Variants in AGBL1 observed in about 807,000 individuals in gnomAD.
The protein encoded by AGBL1 is AGBL carboxypeptidase 1, also known as cytosolic carboxypeptidase 4.
AGBL1 carries 130 observed loss-of-function variants against 118.9 expected under a neutral mutation model. That is an observed-to-expected ratio of 1.09 (90% CI 0.95 to 1.26). The LOEUF (loss-of-function observed/expected upper bound fraction) is 1.26. Among genes scored for constraint, AGBL1 ranks in the 50% most tolerant of loss-of-function variants. AGBL1 has a pLI of 0.00. For missense variants in AGBL1, 1,584 were observed against 1,298.1 expected (o/e 1.22, Z -3.38); for synonymous variants, 555 against 478.9 (o/e 1.16, Z -2.08).
chr15:86,848,568 T>G (rs2079352732), intron 22 of AGBL1, among the ~76,000 whole-genome samples: 1 of 152,192 alleles, frequency 6.6e-6, no homozygotes, highest in South Asian at 2.1e-4. Context: ...CTAAACATAA[T>G]ACTTCAAGTA....
In AGBL1 at chr15:86,178,519, AT is replaced by A. The variant is rs1173149112; in HGVS notation, c.488+19494del. On this transcript the variant is annotated intron_variant, in intron 5 of 22. Transcript: ENST00000614907. Reference sequence around the variant, plus strand: ...GAAAAATTTCTTGAGAGACATAACTATCAAAGCTCACCCAAGAAGAAAAAGA... The same window carrying A: ...GAAAAATTTCTTGAGAGACATAACTACAAAGCTCACCCAAGAAGAAAAAGA... Among the ~76,000 whole-genome samples the A allele has an allele frequency of 2.6e-4, 39 of 152,212 alleles. 1 individual carries two copies. Among genetic ancestry groups the A allele is most frequent in the African/African-American group, 9.4e-4 (39 of 41,466 alleles).
chr15:86,664,002 G>A (rs1438346067), intron 21 of AGBL1, among the ~76,000 whole-genome samples: 1 of 152,072 alleles, frequency 6.6e-6, no homozygotes. Context: ...TCATGGTGTA[G>A]GGACAATTTC....
chr15:86,616,156 G>C (rs1286944498), intron 21 of AGBL1, among the ~76,000 whole-genome samples: 4 of 151,908 alleles, frequency 2.6e-5, no homozygotes, highest in Admixed American at 6.6e-5. Context: ...GGCCAACATG[G>C]TGAAATTCCG....
At chr15:87,001,751 T>C (rs1222199568) in intron 24 of AGBL1, among the ~76,000 whole-genome samples, 1 of 152,136 alleles carries the variant, frequency 6.6e-6, no homozygotes, top group Non-Finnish European at 1.5e-5. Flanking sequence ...CATTTTTTCA[T>C]GTGTCTGTTG....
At chr15:86,727,946 C>T (rs2086844791) in intron 22 of AGBL1, among the ~76,000 whole-genome samples, 1 of 152,214 alleles carries the variant, frequency 6.6e-6, no homozygotes. Flanking sequence ...TCTACAGTGA[C>T]TTACTGTGTA....
chr15:86,674,519 C>A (rs2085803622), intron 22 of AGBL1, 83 bp downstream of exon 22: 2 of 1,391,394 alleles, frequency 1.4e-6, no homozygotes, highest in African/African-American at 1.4e-5. Context: ...GTCGAGTGGA[C>A]CTAGGGGTCT....
At chr15:86,291,962 T>G (rs2079552796) in intron 16 of AGBL1, among the ~76,000 whole-genome samples, 1 of 152,208 alleles carries the variant, frequency 6.6e-6, no homozygotes, top group South Asian at 2.1e-4. Flanking sequence ...TAAACATGCT[T>G]CTTATAATTC....
chr15:86,519,471 C>T (rs1172713505), intron 18 of AGBL1, among the ~76,000 whole-genome samples: 1 of 152,158 alleles, frequency 6.6e-6, no homozygotes, highest in Non-Finnish European at 1.5e-5. Context: ...CTGGGAAGAG[C>T]AGCAACAGCT....
chr15:86,767,264 T>C (rs1054575636), intron 22 of AGBL1, among the ~76,000 whole-genome samples: 1 of 151,888 alleles, frequency 6.6e-6, no homozygotes, highest in African/African-American at 2.4e-5. Flanking sequence ...TAGTAGCAAA[T>C]GCAGGCATTC....
intron 17 of AGBL1, among the ~76,000 whole-genome samples, chr15:86,340,627 G>A (rs2080447036): frequency 6.6e-6 from 1 of 152,126 alleles, no homozygotes; most frequent in Non-Finnish European, 1.5e-5. Flanking sequence ...TTGATTTCTG[G>A]CCTCCAGAAG....
At chr15:86,262,947 C>T in intron 10 of AGBL1, 53 bp downstream of exon 10, 22 of 1,410,894 alleles carry the variant, frequency 1.6e-5, no homozygotes, top group Non-Finnish European at 2.1e-5. Flanking sequence ...GGGTTCTTTG[C>T]AGATCCTGGG....
At chr15:86,556,901 A>T (rs779388068) in intron 21 of AGBL1, among the ~76,000 whole-genome samples, 14 of 152,062 alleles carry the variant, frequency 9.2e-5, no homozygotes, top group Non-Finnish European at 2.1e-4. Flanking sequence ...AGTTCCAATC[A>T]TTTCTCCCCC....
chr15:86,642,276 A>T (rs2085204240), intron 21 of AGBL1, among the ~76,000 whole-genome samples: 1 of 152,206 alleles, frequency 6.6e-6, no homozygotes, highest in Admixed American at 6.5e-5. Flanking sequence ...TAGCCTTCCT[A>T]AAGTGAAATA....
intron 22 of AGBL1, among the ~76,000 whole-genome samples, chr15:86,814,363 AC>A: frequency 6.6e-6 from 1 of 152,296 alleles, no homozygotes; most frequent in South Asian, 2.1e-4. Flanking sequence ...CTTCCATGAA[AC>A]CAGTCCCTGG....
intron 22 of AGBL1, among the ~76,000 whole-genome samples, chr15:86,873,640 A>G (rs976572235): frequency 1.3e-5 from 2 of 152,200 alleles, no homozygotes; most frequent in Non-Finnish European, 2.9e-5. Flanking sequence ...ATGTTAGGAC[A>G]CAGCTAGATG....
intron 18 of AGBL1, among the ~76,000 whole-genome samples, chr15:86,477,600 A>G (rs1402115047): frequency 6.6e-6 from 1 of 152,206 alleles, no homozygotes; most frequent in Non-Finnish European, 1.5e-5. Context: ...ATTGCTTACC[A>G]ACCAAAAAAA....
chr15:86,996,486 G>C (rs1236111662), intron 24 of AGBL1, among the ~76,000 whole-genome samples: 1 of 152,136 alleles, frequency 6.6e-6, no homozygotes, highest in African/African-American at 2.4e-5. Flanking sequence ...ATGTAGCCAT[G>C]CTTTATTTGT....
intron 18 of AGBL1, among the ~76,000 whole-genome samples, chr15:86,448,413 C>T (rs2082153247): frequency 6.6e-6 from 1 of 152,106 alleles, no homozygotes; most frequent in African/African-American, 2.4e-5. Flanking sequence ...ATGCTGATAT[C>T]ATTGAGGGTA....
chr15:86,586,045 C>G (rs952496692), intron 21 of AGBL1, among the ~76,000 whole-genome samples: 1 of 152,206 alleles, frequency 6.6e-6, no homozygotes. Flanking sequence ...CGGCATGCCT[C>G]TGCACCGAAT....
Sources: allele counts gnomAD v4.1 joint callset (sites outside exome capture counted in the v4.1 genomes callset), GRCh38; gene constraint gnomAD v4.1.1; transcripts MANE v1.5; gene names NCBI Gene and HGNC (gene_info 2026-07-23, HGNC 2026-07-21).